COG5: variants seen among roughly 807,000 people sequenced by gnomAD.
COG5 encodes conserved oligomeric Golgi complex subunit 5.
A neutral mutation model predicts 110.4 loss-of-function variants in COG5; 86 were observed. The ratio of observed to expected loss-of-function variants is 0.78; its 90% CI spans 0.65 to 0.93. The LOEUF is 0.93. COG5 is among the 40% of genes least tolerant of loss of function. The pLI is 0.00. For missense variants in COG5, 1,077 were observed against 987.0 expected (o/e 1.09, Z -1.22); for synonymous variants, 360 against 334.6 (o/e 1.08, Z -0.83).
At chr7:107,445,375 A>G (rs1794947030) in intron 6 of COG5, among the ~76,000 whole-genome samples, 1 of 152,168 alleles carries the variant, frequency 6.6e-6, no homozygotes, top group Non-Finnish European at 1.5e-5. Flanking sequence ...ATATTCCTGA[A>G]AAGATTCTTC....
intron 6 of COG5, among the ~76,000 whole-genome samples, chr7:107,521,951 T>C (rs1362931810): frequency 1.3e-5 from 2 of 151,774 alleles, no homozygotes; most frequent in African/African-American, 2.4e-5. Flanking sequence ...TAAAAAAAAA[T>C]GAAATCATGT....
At chr7:107,398,099 A>C (rs545475303) in intron 7 of COG5, among the ~76,000 whole-genome samples, 1 of 152,322 alleles carries the variant, frequency 6.6e-6, no homozygotes, top group African/African-American at 2.4e-5. Context: ...TTCATAATAT[A>C]CAAAAGAAAA....
intron 6 of COG5, among the ~76,000 whole-genome samples, chr7:107,431,895 A>G (rs1428016338): frequency 6.6e-6 from 1 of 152,120 alleles, no homozygotes; most frequent in Non-Finnish European, 1.5e-5. Flanking sequence ...AGTTCAAACA[A>G]TCTGCCTGCC....
chr7:107,343,977 G>A (rs1811389261), intron 10 of COG5, among the ~76,000 whole-genome samples: 3 of 151,730 alleles, frequency 2.0e-5, no homozygotes, highest in Non-Finnish European at 4.4e-5. Flanking sequence ...AATTTATAGA[G>A]CACAAGCAGA....
intron 11 of COG5, among the ~76,000 whole-genome samples, chr7:107,322,978 A>G (rs1809435809): frequency 1.3e-5 from 2 of 152,238 alleles, no homozygotes; most frequent in Admixed American, 1.3e-4. Context: ...AGTTGTTGCC[A>G]GGACCCAGGG....
chr7:107,316,060 C>T (rs1808708451), intron 11 of COG5, among the ~76,000 whole-genome samples: 1 of 152,120 alleles, frequency 6.6e-6, no homozygotes, highest in Non-Finnish European at 1.5e-5. Context: ...TGATGGAAGA[C>T]AGCCAGATTA....
At chr7:107,563,589 A>G in intron 1 of COG5, 2 of 583,574 alleles carry the variant, frequency 3.4e-6, no homozygotes, top group Non-Finnish European at 6.2e-6. Context: ...CACAGAAACC[A>G]AGTGTCCCCA....
At position 107,248,417 on chromosome 7, in the gene COG5, A is replaced by C. The variant is rs144172205; in HGVS notation, c.1832T>G (p.Met611Arg). The change falls in exon 17 of 22, where the codon ATG becomes AGG. Residue 611 changes from methionine (M) to arginine (R), a missense_variant. Physicochemically the swap from Met to Arg is moderately conservative, Grantham distance 91. Coordinates refer to ENST00000297135, the MANE Select transcript of COG5 (RefSeq NM_006348.5). ...GDAIEAIIIT[M>R]HQEDFSGSLS... is the part of the protein sequence containing the mutation. Reference sequence around the variant, plus strand: ...TTACCCAGAAAAGTCTTCTTGATGCATGGTGATGATTATGGCCTCTATAGC... The same window carrying C: ...TTACCCAGAAAAGTCTTCTTGATGCCTGGTGATGATTATGGCCTCTATAGC... The C allele has an allele frequency of 2.5e-6, 4 of 1,610,692 alleles. No individual in the cohort carries two copies. In the African/African-American group the frequency reaches 4.0e-5, roughly 16 times the overall value.
At chr7:107,312,557 G>A (rs183121947) in intron 11 of COG5, among the ~76,000 whole-genome samples, 2 of 152,290 alleles carry the variant, frequency 1.3e-5, no homozygotes, top group East Asian at 1.9e-4. Flanking sequence ...ACAAGTATGA[G>A]TTACAGAGAT....
chr7:107,341,758 T>A (rs540130456), intron 10 of COG5, among the ~76,000 whole-genome samples: 1 of 151,786 alleles, frequency 6.6e-6, no homozygotes, highest in African/African-American at 2.4e-5. Context: ...AATACAAAAG[T>A]CTACAAAAAT....
At chr7:107,288,443 T>C (rs1038451439) in intron 12 of COG5, among the ~76,000 whole-genome samples, 1 of 152,172 alleles carries the variant, frequency 6.6e-6, no homozygotes, top group Non-Finnish European at 1.5e-5. Flanking sequence ...CATATGAGGA[T>C]AGTAATTTCT....
In COG5 at chr7:107,211,100, T is replaced by C; in HGVS notation, c.2294A>G (p.Gln765Arg). Residue 765 changes from glutamine (Q) to arginine (R), a missense_variant and splice_region_variant, in exon 20 of 22, where the codon CAG becomes CGG. By Grantham distance (43) the Gln-to-Arg change is conservative (BLOSUM62 1). Coordinates refer to ENST00000297135, the MANE Select transcript of COG5 (RefSeq NM_006348.5). ...TTCTGGCTTGACTTTATTTATTACC[T>C]GGAAAGGAGATTTCAGTTCAGCGGG... ...RAPAELKSPF[Q>R]RAEWSHTRFS... is the part of the protein sequence containing the mutation. 1.2e-6 allele frequency: 2 copies of C among 1,614,040 alleles called. No individual in the cohort carries two copies. Among genetic ancestry groups the C allele is most frequent in the Non-Finnish European group, 1.7e-6 (2 of 1,179,972 alleles).
intron 14 of COG5, among the ~76,000 whole-genome samples, chr7:107,274,383 T>C (rs187315312): frequency 2.3e-4 from 35 of 152,310 alleles, no homozygotes; most frequent in Admixed American, 6.5e-4. Context: ...GGCTTTATGA[T>C]AGATGACATA....
chr7:107,382,718 C>A (rs962574489), intron 7 of COG5, among the ~76,000 whole-genome samples: 1 of 152,180 alleles, frequency 6.6e-6, no homozygotes, highest in Non-Finnish European at 1.5e-5. Flanking sequence ...AGATTACAGG[C>A]ATGAGCCACC....
chr7:107,505,297 T>G (rs796807076), intron 6 of COG5, among the ~76,000 whole-genome samples: 13 of 152,050 alleles, frequency 8.5e-5, no homozygotes, highest in African/African-American at 3.1e-4. Context: ...TTGACAGAGG[T>G]GGCCGAGGAA....
intron 10 of COG5, among the ~76,000 whole-genome samples, chr7:107,334,045 T>G (rs1454931537): frequency 1.3e-5 from 2 of 152,156 alleles, no homozygotes; most frequent in East Asian, 3.9e-4. Context: ...TGAAAATTCC[T>G]GCAATCCCAG....
At chr7:107,258,450 TCACACACACACATACA>T (rs1359941594) in intron 14 of COG5, 67 bp from the exon 15 acceptor site, 2 of 704,170 alleles carry the variant, frequency 2.8e-6, no homozygotes, top group Admixed American at 2.1e-5. Context: ...TCTCTCTCTC[TCACACACACACATACA>T]CACACACACA....
chr7:107,494,607 C>T (rs1314314790), intron 6 of COG5, among the ~76,000 whole-genome samples: 1 of 152,136 alleles, frequency 6.6e-6, no homozygotes, highest in Non-Finnish European at 1.5e-5. Flanking sequence ...GCTACATCAT[C>T]TAGGTTTGTG....
At chr7:107,286,902 TATAA>T (rs1805686554) in intron 12 of COG5, among the ~76,000 whole-genome samples, 1 of 152,168 alleles carries the variant, frequency 6.6e-6, no homozygotes, top group African/African-American at 2.4e-5. Flanking sequence ...TCTATATATG[TATAA>T]ATATTATGTG....
Sources: gnomAD v4.1 joint callset for allele counts (sites outside exome capture counted in the v4.1 genomes callset) on GRCh38, gnomAD v4.1.1 for gene constraint, MANE v1.5 for transcripts, NCBI Gene and HGNC (gene_info 2026-07-23, HGNC 2026-07-21) for gene names.